CNTRL: variants seen among roughly 807,000 people sequenced by gnomAD.
CNTRL encodes 110 kDa centrosomal protein.
In CNTRL, 233 loss-of-function variants were observed where a neutral mutation model predicts 303.7. That is an observed-to-expected ratio of 0.77 (90% confidence interval 0.69 to 0.86). The LOEUF is 0.86. Among genes scored for constraint, CNTRL ranks in the 40% least tolerant of loss-of-function variants. CNTRL has a pLI of 0.00. For missense variants in CNTRL, 2,524 were observed against 2,650.6 expected, an observed-to-expected ratio of 0.95 and a Z score of 1.05; for synonymous variants, 900 against 922.2, an observed-to-expected ratio of 0.98 and a Z score of 0.44.
chr9:121,088,412 A>G lies in CNTRL; in HGVS notation c.86A>G (p.Asn29Ser), dbSNP rs916906683. Residue 29 changes from asparagine to serine, a missense_variant, in exon 3 of 44, where the codon AAT becomes AGT. By Grantham distance (46) the Asn-to-Ser change is conservative. Coordinates refer to ENST00000373855, the MANE Select transcript of CNTRL (RefSeq NM_007018.6). ...SHSPIPSSMSNMRSRSLSPLI... is the reference protein window; with the variant it reads ...SHSPIPSSMSSMRSRSLSPLI... ...TCTCCTATCCCATCATCTATGTCCA[A>G]TATGAGATCTAGGTCACTTTCACCT... The G allele has an allele frequency of 6.2e-7, 1 of 1,612,310 alleles. No homozygotes were observed. The highest frequency in any genetic ancestry group is 1.7e-5 in the Admixed American group (1 of 60,018).
At chr9:121,161,411 G>T in intron 32 of CNTRL, 1 of 375,614 alleles carries the variant, frequency 2.7e-6, no homozygotes, top group Admixed American at 4.7e-5. Context: ...AATTTATTTT[G>T]ATCAATTTTA....
rs1216478153 is a variant in CNTRL at position 121,145,331 on chromosome 9, C to T, written c.3256C>T (p.Arg1086Ter). ...EIEKLNETME[R>*]QRTEIARLQN... ...TGAGAAACTGAATGAGACAATGGAA[C>T]GACAAAGGACAGAGATTGCAAGGCT... The change falls in exon 22 of 44, where the codon CGA becomes TGA. Residue 1086 changes from arginine to a stop codon, truncating the protein, a stop_gained. Coordinates refer to ENST00000373855, the MANE Select transcript of CNTRL (RefSeq NM_007018.6). LOFTEE classifies it high-confidence loss of function. 8.1e-6 allele frequency: 13 copies of T among 1,613,882 alleles called. No homozygotes were observed. Among genetic ancestry groups the T allele is most frequent in the East Asian group, 2.2e-5 (1 of 44,870 alleles).
In CNTRL at chr9:121,168,375, G is replaced by A. The variant is rs528463992; in HGVS notation, c.6070+54G>A. 205 of 1,517,688 alleles carry A rather than the reference G, an allele frequency of 1.4e-4. 2 individuals are homozygous for A. In the African/African-American group the frequency reaches 2.4e-3, roughly 17 times the overall value. The allele number at this position is 1,517,688 out of a possible 1,614,324, so 94.0% of individuals were successfully genotyped here. On this transcript the variant is annotated intron_variant, in intron 38 of 43. Transcript: ENST00000373855. Reference sequence around the variant, plus strand: ...GATGGGGTATGGATTGGCTCTGCTGGTTGTCTTGCAAAAGTATTTAAAGAG... The same window carrying A: ...GATGGGGTATGGATTGGCTCTGCTGATTGTCTTGCAAAAGTATTTAAAGAG...
intron 3 of CNTRL, among the ~76,000 whole-genome samples, chr9:121,089,681 A>G (rs1056773865): frequency 6.6e-6 from 1 of 152,224 alleles, no homozygotes; most frequent in African/African-American, 2.4e-5. Context: ...AAAACAAACA[A>G]CTAAGTATTA....
intron 1 of CNTRL, among the ~76,000 whole-genome samples, chr9:121,075,860 T>C (rs989018217): frequency 6.6e-6 from 1 of 152,230 alleles, no homozygotes; most frequent in East Asian, 1.9e-4. Flanking sequence ...GGTTAAGTAA[T>C]TTGCCTAAGA....
At chr9:121,112,747 G>C (rs1018657032) in intron 9 of CNTRL, among the ~76,000 whole-genome samples, 169 bp downstream of exon 9, 2 of 152,236 alleles carry the variant, frequency 1.3e-5, no homozygotes, top group African/African-American at 4.8e-5. Context: ...ATTTGGCTCC[G>C]GGAGTTAGAA....
intron 14 of CNTRL, among the ~76,000 whole-genome samples, chr9:121,134,061 G>A (rs1048185350): frequency 1.3e-5 from 2 of 152,108 alleles, no homozygotes; most frequent in Admixed American, 1.3e-4. Flanking sequence ...TGAACAAATA[G>A]TTTGGTGAAC....
intron 25 of CNTRL, 54 bp downstream of exon 25, chr9:121,150,537 T>C: frequency 1.3e-6 from 2 of 1,511,218 alleles, no homozygotes; most frequent in Non-Finnish European, 1.8e-6. Flanking sequence ...GGGTGACTGA[T>C]AAGGTTATAT....
chr9:121,134,419 T>A (rs2051064325), intron 14 of CNTRL, among the ~76,000 whole-genome samples: 1 of 152,058 alleles, frequency 6.6e-6, no homozygotes. Flanking sequence ...GCCTCCTAAG[T>A]AGCTGGGACT....
At chr9:121,098,605 G>A in intron 7 of CNTRL, 33 bp downstream of exon 7, 3 of 1,376,508 alleles carry the variant, frequency 2.2e-6, no homozygotes. Context: ...ATAAATTTGG[G>A]TGAGGGAGGA....
At chr9:121,123,146 A>G (rs566414555) in intron 12 of CNTRL, among the ~76,000 whole-genome samples, 1 of 151,138 alleles carries the variant, frequency 6.6e-6, no homozygotes, top group East Asian at 2.0e-4. Context: ...AAATATAAAA[A>G]TACTCATTAC....
chr9:121,168,705 G>A (rs1461429016), intron 38 of CNTRL, among the ~76,000 whole-genome samples: 1 of 152,206 alleles, frequency 6.6e-6, no homozygotes, highest in Non-Finnish European at 1.5e-5. Flanking sequence ...ATTTGGCATA[G>A]TGAATGGTAC....
At chr9:121,150,572 A>G (rs886529760) in intron 25 of CNTRL, 89 bp downstream of exon 25, 1 of 1,222,298 alleles carries the variant, frequency 8.2e-7, no homozygotes, top group Non-Finnish European at 1.2e-6. Flanking sequence ...CCTATTTATG[A>G]CTGGATTATA....
chr9:121,102,623 T>C (rs1292122448), intron 7 of CNTRL, among the ~76,000 whole-genome samples: 1 of 152,240 alleles, frequency 6.6e-6, no homozygotes, highest in Non-Finnish European at 1.5e-5. Context: ...TGTTTGCAGA[T>C]GACGTGATTG....
At chr9:121,121,570 T>A (rs1307262894) in intron 12 of CNTRL, among the ~76,000 whole-genome samples, 1 of 152,220 alleles carries the variant, frequency 6.6e-6, no homozygotes, top group African/African-American at 2.4e-5. Flanking sequence ...TAATGAAGAT[T>A]TGTATTGCTT....
At chr9:121,107,762 A>G in intron 7 of CNTRL, 40 bp from the exon 8 acceptor site, 2 of 1,211,156 alleles carry the variant, frequency 1.7e-6, no homozygotes, top group Non-Finnish European at 1.1e-6. Flanking sequence ...TAAAAATAGG[A>G]AATATAATGA....
intron 19 of CNTRL, among the ~76,000 whole-genome samples, chr9:121,143,075 T>C (rs966124341): frequency 6.6e-6 from 1 of 152,144 alleles, no homozygotes; most frequent in Admixed American, 6.6e-5. Context: ...TATAAACTCA[T>C]AGTTACCAAT....
At position 121,083,984 on chromosome 9, in the gene CNTRL, T is replaced by A. The variant is rs547184816; in HGVS notation, c.-32+3506T>A. ...TATGAAGATGTTTGTCATTCCACTA[T>A]CCCTTTCTAATATCAATTTATATAG... On this transcript the variant is annotated intron_variant, in intron 2 of 43. Coordinates refer to ENST00000373855, the MANE Select transcript of CNTRL (RefSeq NM_007018.6). Among the ~76,000 whole-genome samples the A allele has an allele frequency of 6.6e-5, 10 of 152,320 alleles. No individual in the cohort carries two copies. In the East Asian group the frequency reaches 1.7e-3, roughly 26 times the overall value.
intron 17 of CNTRL, among the ~76,000 whole-genome samples, chr9:121,141,057 A>G (rs993647207): frequency 6.6e-6 from 1 of 152,212 alleles, no homozygotes; most frequent in African/African-American, 2.4e-5. Context: ...AGTTAATTAT[A>G]TATGGTCAGG....
Sources: gnomAD v4.1 joint callset for allele counts (sites outside exome capture counted in the v4.1 genomes callset) on GRCh38, gnomAD v4.1.1 for gene constraint, MANE v1.5 for transcripts, NCBI Gene and HGNC (gene_info 2026-07-23, HGNC 2026-07-21) for gene names.